SHB: variants seen among roughly 807,000 people sequenced by gnomAD.
SHB encodes the protein SH2 domain containing adaptor protein B.
SHB carries 20 observed loss-of-function variants against 52.3 expected under a neutral mutation model. That is an observed-to-expected ratio of 0.38 (90% CI 0.27 to 0.56). The LOEUF is 0.56. Ranked by LOEUF, SHB falls within the 20% of genes least tolerant of loss-of-function variation. The probability of loss-of-function intolerance (pLI) is 0.71; values close to 1 mark genes in which losing one functional copy is unlikely to be tolerated. For synonymous variants in SHB, 397 were observed against 316.5 expected (o/e 1.25, Z -2.70); for missense variants, 825 against 723.3 (o/e 1.14, Z -1.61).
At chr9:38,007,037 T>C (rs1305796989) in intron 2 of SHB, among the ~76,000 whole-genome samples, 1 of 152,212 alleles carries the variant, frequency 6.6e-6, no homozygotes, top group Non-Finnish European at 1.5e-5. Context: ...TACTGCCACC[T>C]TGGTCCCTCA....
At chr9:38,025,895 G>A (rs1277727567) in intron 1 of SHB, among the ~76,000 whole-genome samples, 2 of 152,206 alleles carry the variant, frequency 1.3e-5, no homozygotes, top group African/African-American at 4.8e-5. Context: ...TCCTGAGCGG[G>A]TGACAGAACT....
At chr9:37,955,651 TA>T (rs1359793695) in intron 4 of SHB, among the ~76,000 whole-genome samples, 7 of 98,018 alleles carry the variant, frequency 7.1e-5, no homozygotes, top group African/African-American at 3.1e-4. Flanking sequence ...TTAATTTTTG[TA>T]TTTTTTTTTC....
chr9:38,062,889 C>A (rs1256868694), intron 1 of SHB, among the ~76,000 whole-genome samples: 1 of 152,204 alleles, frequency 6.6e-6, no homozygotes. Flanking sequence ...GCTACAGTGG[C>A]AGAGCTGAAG....
intron 5 of SHB, among the ~76,000 whole-genome samples, chr9:37,940,646 A>G (rs1832424622): frequency 6.6e-6 from 1 of 152,124 alleles, no homozygotes; most frequent in Non-Finnish European, 1.5e-5. Context: ...GCTAGCAAAC[A>G]GCTTGCCTGC....
chr9:37,950,630 G>C (rs1274983688), intron 4 of SHB, among the ~76,000 whole-genome samples: 3 of 152,218 alleles, frequency 2.0e-5, no homozygotes, highest in Admixed American at 2.0e-4. Flanking sequence ...TGTCCACAGA[G>C]ACATGGATGC....
At chr9:38,021,922 G>T (rs1587248400) in intron 1 of SHB, among the ~76,000 whole-genome samples, 1 of 152,216 alleles carries the variant, frequency 6.6e-6, no homozygotes, top group Admixed American at 6.5e-5. Context: ...GTGTCTTGCT[G>T]GCTGAAGGGT....
intron 1 of SHB, among the ~76,000 whole-genome samples, chr9:38,043,885 G>A (rs1164511521): frequency 3.5e-5 from 5 of 144,124 alleles, no homozygotes; most frequent in African/African-American, 1.1e-4. Context: ...GCAAAACTCC[G>A]TCTCAAAAAA....
At chr9:38,017,412 G>A (rs1821226212) in intron 1 of SHB, among the ~76,000 whole-genome samples, 1 of 152,248 alleles carries the variant, frequency 6.6e-6, no homozygotes, top group Non-Finnish European at 1.5e-5. Flanking sequence ...AAACTCAGGG[G>A]AAGGGAAAAT....
intron 5 of SHB, among the ~76,000 whole-genome samples, chr9:37,929,340 A>G (rs1832287103): frequency 6.6e-6 from 1 of 152,240 alleles, no homozygotes; most frequent in South Asian, 2.1e-4. Context: ...ATGACGTGAA[A>G]CAGGGGGCTG....
chr9:38,010,630 C>T (rs995256706), intron 2 of SHB, among the ~76,000 whole-genome samples: 1 of 152,218 alleles, frequency 6.6e-6, no homozygotes, highest in Non-Finnish European at 1.5e-5. Context: ...AAATTGGAAG[C>T]CCTTGTTCCC....
Position 37,956,131 on chromosome 9 carries a change from T to C in SHB, c.1055-77A>G. The C allele has an allele frequency of 2.3e-6, 3 of 1,287,172 alleles. 1 individual carries two copies. The highest frequency in any genetic ancestry group is 3.2e-6 in the Non-Finnish European group (3 of 925,324). 79.7% of individuals were successfully genotyped at this position (1,287,172 alleles called of 1,614,324 possible). On this transcript the variant is annotated intron_variant, in intron 3 of 5. Transcript: ENST00000377707. The stretch of plus-strand genomic sequence containing the variant: ...TACTGTGAGGCACAGAAGGGTAACG[T>C]TCAGCTGGTCTAGTTGGCAATTTAC...
chr9:37,929,247 G>A (rs981974366), intron 5 of SHB, among the ~76,000 whole-genome samples: 10 of 152,270 alleles, frequency 6.6e-5, no homozygotes, highest in African/African-American at 2.4e-4. Context: ...AGGTGCGGAG[G>A]TGCCGCCGAG....
intron 1 of SHB, among the ~76,000 whole-genome samples, chr9:38,066,094 A>AG (rs1338967977): frequency 1.3e-5 from 2 of 152,220 alleles, no homozygotes; most frequent in Non-Finnish European, 2.9e-5. Context: ...AGCACCCAGC[A>AG]GGGGAGGACA....
chr9:38,039,794 G>A (rs1203460708), intron 1 of SHB, among the ~76,000 whole-genome samples: 2 of 152,252 alleles, frequency 1.3e-5, no homozygotes, highest in African/African-American at 4.8e-5. Context: ...CTCAGCGAGG[G>A]CAGCGGCTGG....
intron 1 of SHB, among the ~76,000 whole-genome samples, chr9:38,062,265 T>C (rs1001164974): frequency 7.9e-5 from 12 of 152,194 alleles, no homozygotes; most frequent in Non-Finnish European, 8.8e-5. Flanking sequence ...CTGTGTGACA[T>C]TAGGCAAGTC....
intron 1 of SHB, 67 bp downstream of exon 1, chr9:38,067,862 G>C: frequency 7.2e-7 from 1 of 1,390,448 alleles, no homozygotes; most frequent in Non-Finnish European, 9.3e-7. Flanking sequence ...CAGAGCGGCG[G>C]GTGCCTCGGT....
rs1401162202 is a variant in SHB, at chr9:37,918,504, TG to T, written c.*1316del. Among the ~76,000 whole-genome samples the T allele has an allele frequency of 2.3e-4, 32 of 137,130 alleles. 1 individual carries two copies. The East Asian group carries it at 5.2e-3, about 22-fold the overall frequency. The allele number at this position is 137,130 out of a possible 152,430, so 90.0% of individuals were successfully genotyped here. On this transcript the variant is annotated 3_prime_UTR_variant, in exon 6 of 6. Coordinates refer to ENST00000377707, the MANE Select transcript of SHB (RefSeq NM_003028.3). Reference sequence around the variant, plus strand: ...ACTGAGGGCTGTGTGTGTGTGTGTGTGTGTGTGTGTAGGTGTTCTTGTGTGT... The same window carrying T: ...ACTGAGGGCTGTGTGTGTGTGTGTGTTGTGTGTGTAGGTGTTCTTGTGTGT...
chr9:37,930,377 T>C (rs942606812), intron 5 of SHB, among the ~76,000 whole-genome samples: 1 of 151,438 alleles, frequency 6.6e-6, no homozygotes. Context: ...CAGACTAGAG[T>C]CTGCAGTAAT....
intron 5 of SHB, among the ~76,000 whole-genome samples, chr9:37,933,743 A>C (rs1832338605): frequency 6.6e-6 from 1 of 152,016 alleles, no homozygotes; most frequent in South Asian, 2.1e-4. Flanking sequence ...ATCACCAGAG[A>C]GCTCATTCCC....
Sources: allele counts gnomAD v4.1 joint callset (sites outside exome capture counted in the v4.1 genomes callset), GRCh38; gene constraint gnomAD v4.1.1; transcripts MANE v1.5; gene names NCBI Gene and HGNC (gene_info 2026-07-23, HGNC 2026-07-21).